NAV2: variants seen among roughly 807,000 people sequenced by gnomAD.
The protein encoded by NAV2 is neuron navigator 2.
A neutral mutation model predicts 223.2 loss-of-function variants in NAV2; 54 were observed. The ratio of observed to expected loss-of-function variants is 0.24; its 90% confidence interval spans 0.19 to 0.30. The LOEUF (loss-of-function observed/expected upper bound fraction) is 0.30, where lower values mean the gene tolerates loss of function less well. Ranked by LOEUF, NAV2 falls within the 10% of genes least tolerant of loss-of-function variation. The probability of loss-of-function intolerance (pLI) is 1.00; values close to 1 mark genes in which losing one functional copy is unlikely to be tolerated. For missense variants in NAV2, 2,806 were observed against 3,147.5 expected (o/e 0.89, Z 2.60); for synonymous variants, 1,279 against 1,239.3 (o/e 1.03, Z -0.67).
At chr11:19,922,440 C>A (rs747171052) in intron 6 of NAV2, among the ~76,000 whole-genome samples, 13 of 152,120 alleles carry the variant, frequency 8.5e-5, no homozygotes, top group African/African-American at 1.2e-4. Context: ...TCCTTTAGGG[C>A]AAACTATAGT....
At chr11:19,894,476 A>C (rs1466549844) in intron 6 of NAV2, among the ~76,000 whole-genome samples, 4 of 152,234 alleles carry the variant, frequency 2.6e-5, no homozygotes, top group Admixed American at 6.5e-5. Flanking sequence ...AGTCCAAAAA[A>C]TTGAGAAAAT....
chr11:19,713,810 C>A lies in NAV2; in HGVS notation c.115C>A (p.Leu39Met), dbSNP rs766386682. 3.7e-6 allele frequency: 6 copies of A among 1,613,056 alleles called. No individual in the cohort carries two copies. The African/African-American group carries it at 8.0e-5, about 22-fold the overall frequency. ...PARAGPQPCY[L>M]KLGSKVEVSK... ...CCGGGCGGGCCCCCAGCCCTGCTAC[C>A]TGAAGTTGGGAAGCAAGGTGGAGGT... Residue 39 changes from leucine to methionine, a missense_variant, in exon 1 of 38, where the codon CTG becomes ATG. Leu to Met is a conservative substitution (Grantham distance 15, BLOSUM62 2). Around this residue, in one of 4 missense-constraint regions of NAV2, gnomAD observed 1,167 missense variants for 1,180.5 expected, o/e 0.99. Transcript: ENST00000349880. The surrounding 1 kb of genome is among the most constrained non-coding windows in gnomAD (Gnocchi z 7.2).
chr11:19,981,851 C>T (rs929240869), intron 10 of NAV2, among the ~76,000 whole-genome samples: 4 of 152,018 alleles, frequency 2.6e-5, no homozygotes, highest in Admixed American at 2.0e-4. Flanking sequence ...ATTGGCAGAT[C>T]GACAGTTTAA....
chr11:19,405,552 T>C (rs2133349477), intron 1 of NAV2, among the ~76,000 whole-genome samples: 1 of 152,372 alleles, frequency 6.6e-6, no homozygotes, highest in South Asian at 2.1e-4. Flanking sequence ...TTCTGTATAC[T>C]GTTAGAAAAC....
chr11:20,034,895 C>T (rs2056199700), intron 11 of NAV2, among the ~76,000 whole-genome samples: 1 of 151,970 alleles, frequency 6.6e-6, no homozygotes, highest in Admixed American at 6.6e-5. Flanking sequence ...CAGAAAGCCT[C>T]AAAGAGAGCA....
At chr11:19,379,950 C>T (rs1848779175) in intron 1 of NAV2, among the ~76,000 whole-genome samples, 1 of 151,828 alleles carries the variant, frequency 6.6e-6, no homozygotes, top group South Asian at 2.1e-4. Context: ...TCTTGGTTAG[C>T]TTTAGTATCT....
intron 1 of NAV2, among the ~76,000 whole-genome samples, chr11:19,568,712 C>T (rs1186257312): frequency 6.6e-6 from 1 of 152,112 alleles, no homozygotes; most frequent in African/African-American, 2.4e-5. Flanking sequence ...GAGCACTTGC[C>T]CAAGGTCTTA....
intron 1 of NAV2, among the ~76,000 whole-genome samples, chr11:19,546,826 C>G (rs779425664): frequency 6.6e-6 from 1 of 152,230 alleles, no homozygotes; most frequent in Non-Finnish European, 1.5e-5. Flanking sequence ...ATACACAGCA[C>G]TTTCTAACCC....
At chr11:19,486,897 G>A (rs377128695) in intron 1 of NAV2, among the ~76,000 whole-genome samples, 13 of 152,168 alleles carry the variant, frequency 8.5e-5, no homozygotes, top group East Asian at 1.9e-4. Context: ...TTCTGGGATC[G>A]TTGAGTCAGC....
chr11:19,559,103 A>G (rs1344994799), intron 1 of NAV2, among the ~76,000 whole-genome samples: 1 of 152,258 alleles, frequency 6.6e-6, no homozygotes, highest in Non-Finnish European at 1.5e-5. Flanking sequence ...TGACTTGCAC[A>G]TGCAAGAATG....
At chr11:19,778,494 C>A in intron 1 of NAV2, 19 of 226,940 alleles carry the variant, frequency 8.4e-5, no homozygotes, top group South Asian at 3.8e-4. Context: ...AAGATGCTAC[C>A]AAAAACAAAA....
chr11:20,036,747 C>T (rs1304497447), intron 12 of NAV2, among the ~76,000 whole-genome samples: 1 of 152,190 alleles, frequency 6.6e-6, no homozygotes, highest in Non-Finnish European at 1.5e-5. Context: ...CCTACATTCT[C>T]CATGTGGTGA....
chr11:20,053,974 T>G, intron 17 of NAV2, 106 bp from the exon 18 acceptor site: 1 of 1,191,874 alleles, frequency 8.4e-7, no homozygotes, highest in Non-Finnish European at 1.2e-6. Context: ...AAAAAAATCA[T>G]CTTCGGATAT....
At chr11:19,749,649 A>T (rs2053645932) in intron 1 of NAV2, among the ~76,000 whole-genome samples, 1 of 152,158 alleles carries the variant, frequency 6.6e-6, no homozygotes, top group African/African-American at 2.4e-5. Context: ...ACTTGTCATG[A>T]CTTAGAAGGG....
chr11:19,904,870 T>C (rs1372638118), intron 6 of NAV2, among the ~76,000 whole-genome samples: 1 of 152,162 alleles, frequency 6.6e-6, no homozygotes, highest in Non-Finnish European at 1.5e-5. Flanking sequence ...TTTCTTACAA[T>C]AGCCGGTAGG....
intron 1 of NAV2, among the ~76,000 whole-genome samples, chr11:19,500,802 GC>G (rs1196173965): frequency 6.6e-6 from 1 of 152,192 alleles, no homozygotes; most frequent in African/African-American, 2.4e-5. Flanking sequence ...GGTTGCTCAG[GC>G]TGGGTCACAC....
intron 1 of NAV2, among the ~76,000 whole-genome samples, chr11:19,493,028 G>A (rs1359160697): frequency 6.6e-6 from 1 of 152,148 alleles, no homozygotes; most frequent in African/African-American, 2.4e-5. Context: ...TATGTACAAA[G>A]TAGGCTGATA....
chr11:19,622,248 G>A (rs1450897525), intron 1 of NAV2, among the ~76,000 whole-genome samples: 2 of 152,226 alleles, frequency 1.3e-5, no homozygotes, highest in South Asian at 2.1e-4. Flanking sequence ...TTGGGGTGGA[G>A]AGTTCTGTAG....
At chr11:19,785,432 T>C (rs2057035178) in intron 1 of NAV2, among the ~76,000 whole-genome samples, 1 of 152,208 alleles carries the variant, frequency 6.6e-6, no homozygotes, top group Admixed American at 6.5e-5. Flanking sequence ...AACCCTGCCA[T>C]CTCCCATTAC....
Sources: gnomAD v4.1 joint callset for allele counts (sites outside exome capture counted in the v4.1 genomes callset) on GRCh38, gnomAD v4.1.1 for gene constraint, gnomAD v4.1.1 regional missense constraint, Gnocchi (gnomAD v3.1) non-coding constraint, MANE v1.5 for transcripts, NCBI Gene and HGNC (gene_info 2026-07-23, HGNC 2026-07-21) for gene names.